PLEKHA1: variants seen among roughly 807,000 people sequenced by gnomAD.
PLEKHA1 encodes pleckstrin homology domain-containing family A member 1.
A neutral mutation model predicts 52.0 loss-of-function variants in PLEKHA1; 34 were observed. The ratio of observed to expected loss-of-function variants is 0.65; its 90% CI spans 0.50 to 0.87. The LOEUF (loss-of-function observed/expected upper bound fraction) is 0.87. PLEKHA1 is among the 40% of genes least tolerant of loss of function. The probability of loss-of-function intolerance (pLI) is 0.00; values close to 1 mark genes in which losing one functional copy is unlikely to be tolerated. For synonymous variants in PLEKHA1, 163 were observed against 170.7 expected (o/e 0.95, Z 0.35); for missense variants, 497 against 504.2 (o/e 0.99, Z 0.14).
chr10:122,386,308 GTT>G (rs67952302), intron 1 of PLEKHA1, among the ~76,000 whole-genome samples: 151 of 148,332 alleles, frequency 1.0e-3, no homozygotes, highest in African/African-American at 2.7e-3. Context: ...TGTGTTCCAA[GTT>G]TTTTTTTTTT....
intron 1 of PLEKHA1, chr10:122,386,608 C>T (rs2096703256): frequency 1.3e-5 from 2 of 152,150 alleles, no homozygotes; most frequent in African/African-American, 2.4e-5. Context: ...GAAGCTTTGA[C>T]ATTTTACATT....
chr10:122,405,753 AT>A (rs1357272375), intron 4 of PLEKHA1, among the ~76,000 whole-genome samples: 1 of 152,124 alleles, frequency 6.6e-6, no homozygotes, highest in Non-Finnish European at 1.5e-5. Context: ...TAGTATTACT[AT>A]AACCTAGGGC....
At chr10:122,379,499 A>G (rs1313442319) in intron 1 of PLEKHA1, among the ~76,000 whole-genome samples, 1 of 151,974 alleles carries the variant, frequency 6.6e-6, no homozygotes, top group Non-Finnish European at 1.5e-5. Flanking sequence ...AGTCTGTTCT[A>G]GGCTCCTCTG....
chr10:122,385,052 G>A (rs2096669661), intron 1 of PLEKHA1, among the ~76,000 whole-genome samples: 1 of 151,988 alleles, frequency 6.6e-6, no homozygotes, highest in African/African-American at 2.4e-5. Flanking sequence ...AATTTGATGA[G>A]TTTTGACCAT....
In PLEKHA1 at chr10:122,385,311, C is replaced by CTTTT. The variant is rs1196217497; in HGVS notation, c.-20-7850_-20-7847dup. ...AAAGGCTGTATCCTTTTGTGTCTGG[C>CTTTT]TTTTTTTTTTTTTTTTTTTTTTTGA... On this transcript the variant is annotated intron_variant, in intron 1 of 11. Coordinates refer to ENST00000368990, the MANE Select transcript of PLEKHA1 (RefSeq NM_001001974.4). Among the ~76,000 whole-genome samples, 281 of 96,478 alleles carry CTTTT rather than the reference C, an allele frequency of 2.9e-3. 1 individual carries two copies. The highest frequency in any genetic ancestry group is 5.5e-3 in the East Asian group (18 of 3,292). 63.3% of individuals were successfully genotyped at this position (96,478 alleles called of 152,430 possible). A position where few individuals can be genotyped will look rare whatever the true frequency, so the allele number is the denominator to read the frequency against.
intron 2 of PLEKHA1, among the ~76,000 whole-genome samples, chr10:122,397,637 T>C (rs2096869362): frequency 6.6e-6 from 1 of 152,124 alleles, no homozygotes; most frequent in Non-Finnish European, 1.5e-5. Flanking sequence ...GTTCATGGCT[T>C]TTTAAGCTCA....
chr10:122,429,794 G>A lies in PLEKHA1; in HGVS notation c.1071G>A (p.Lys357=), dbSNP rs1031102670. The A allele has an allele frequency of 1.9e-6, 3 of 1,614,150 alleles. No individual in the cohort carries two copies. Among genetic ancestry groups the A allele is most frequent in the Non-Finnish European group, 1.7e-6 (2 of 1,180,022 alleles). ...SLAKVKPGNF[K]VQTVSPREPA... Reference sequence around the variant, plus strand: ...CCAAGGTCAAGCCAGGGAACTTCAAGGTCCAGACTGTCTCTCCAAGAGAAC... The same window carrying A: ...CCAAGGTCAAGCCAGGGAACTTCAAAGTCCAGACTGTCTCTCCAAGAGAAC... Residue 357 remains lysine (K), a synonymous_variant, in exon 12 of 12, where the codon AAG becomes AAA. Coordinates refer to ENST00000368990, the MANE Select transcript of PLEKHA1 (RefSeq NM_001001974.4).
intron 8 of PLEKHA1, 196 bp downstream of exon 8, chr10:122,418,164 A>G (rs968671182): frequency 6.6e-6 from 3 of 457,560 alleles, no homozygotes; most frequent in East Asian, 3.5e-5. Context: ...AAAAGATCCT[A>G]TCTTCAAAGC....
chr10:122,421,715 A>G (rs2097262436), intron 8 of PLEKHA1: 1 of 152,230 alleles, frequency 6.6e-6, no homozygotes, highest in Non-Finnish European at 1.5e-5. Flanking sequence ...AATTCATTTA[A>G]AAATTAAAAT....
At chr10:122,392,492 T>C (rs1590379473) in intron 1 of PLEKHA1, 2 of 152,316 alleles carry the variant, frequency 1.3e-5, no homozygotes, top group Non-Finnish European at 2.9e-5. Flanking sequence ...TATCTCTCTT[T>C]CCAGTACATT....
intron 8 of PLEKHA1, chr10:122,418,990 A>G (rs2097219357): frequency 6.6e-6 from 1 of 152,216 alleles, no homozygotes; most frequent in Non-Finnish European, 1.5e-5. Context: ...TGACTGAGGA[A>G]CTGACTTAAT....
chr10:122,424,822 G>T, intron 9 of PLEKHA1, 74 bp from the exon 10 acceptor site: 1 of 1,233,706 alleles, frequency 8.1e-7, no homozygotes, highest in Non-Finnish European at 1.2e-6. Flanking sequence ...CGCATACTGG[G>T]TACTGGGTAA....
At chr10:122,417,119 A>G (rs1268254964) in intron 7 of PLEKHA1, 1 of 152,532 alleles carries the variant, frequency 6.6e-6, no homozygotes, top group Non-Finnish European at 1.5e-5. Context: ...TTCTGCAAAA[A>G]CTGTTATTTT....
intron 5 of PLEKHA1, among the ~76,000 whole-genome samples, chr10:122,410,150 G>A (rs7918867): frequency 0.15 from 22,127 of 152,150 alleles, 1,713 homozygotes; most frequent in East Asian, 0.18. Flanking sequence ...GAAACCTGCA[G>A]CGTTTTTATG....
chr10:122,424,312 A>G (rs1387580387), intron 9 of PLEKHA1, 49 bp downstream of exon 9: 3 of 1,543,988 alleles, frequency 1.9e-6, no homozygotes, highest in Non-Finnish European at 2.6e-6. Context: ...TAAACACAGA[A>G]TAGTGCCTTA....
At chr10:122,392,349 C>G (rs1330138172) in intron 1 of PLEKHA1, 1 of 151,532 alleles carries the variant, frequency 6.6e-6, no homozygotes, top group Non-Finnish European at 1.5e-5. Flanking sequence ...TAGCATGTTC[C>G]TCTGTGTTCT....
intron 6 of PLEKHA1, among the ~76,000 whole-genome samples, chr10:122,415,411 T>C (rs545145439): frequency 1.6e-4 from 24 of 152,334 alleles, no homozygotes; most frequent in African/African-American, 5.5e-4. Flanking sequence ...TGCATAGAAC[T>C]GTATAGACAC....
At chr10:122,434,919 T>G (rs1251003512), downstream of PLEKHA1, 2 of 151,784 alleles carry the variant, frequency 1.3e-5, no homozygotes, top group African/African-American at 4.8e-5. Context: ...TATGGCTGCA[T>G]AGTATTCCAT....
the PLEKHA1 span, chr10:122,441,917 T>C: frequency 6.6e-6 from 1 of 152,212 alleles, no homozygotes; most frequent in African/African-American, 2.4e-5. Context: ...ATTAAATGTT[T>C]GGAATCTTTT....
Sources: gnomAD v4.1 joint callset for allele counts (sites outside exome capture counted in the v4.1 genomes callset) on GRCh38, gnomAD v4.1.1 for gene constraint, MANE v1.5 for transcripts, NCBI Gene and HGNC (gene_info 2026-07-23, HGNC 2026-07-21) for gene names.